PHACTR2: variants seen among roughly 807,000 people sequenced by gnomAD.
PHACTR2 encodes the protein phosphatase and actin regulator 2.
A neutral mutation model predicts 76.0 loss-of-function variants in PHACTR2; 30 were observed. The ratio of observed to expected loss-of-function variants is 0.39; its 90% CI spans 0.30 to 0.54. PHACTR2 has a LOEUF of 0.54. Ranked by LOEUF, PHACTR2 falls within the 20% of genes least tolerant of loss-of-function variation. The pLI is 0.61. For synonymous variants in PHACTR2, 292 were observed against 292.5 expected (o/e 1.00, Z 0.02); for missense variants, 696 against 781.1 (o/e 0.89, Z 1.30).
intron 11 of PHACTR2, among the ~76,000 whole-genome samples, chr6:143,805,087 A>C (rs1489016425): frequency 6.6e-6 from 1 of 152,164 alleles, no homozygotes; most frequent in Non-Finnish European, 1.5e-5. Context: ...TCTGACTCCC[A>C]GTGGACCGCT....
rs369552790 is a variant in PHACTR2, at chr6:143,618,926, AGTACT to A, written c.13+10609_13+10613del. On this transcript the variant is annotated intron_variant, in intron 1 of 11. Transcript: ENST00000305766. The surrounding 1 kb of genome is among the most constrained non-coding windows in gnomAD (Gnocchi z 5.2). ...CGTCTCCTTCTTGAGCCTTATACTA[AGTACT>A]GTACCTGGCAGAGGAGGTGTGTTCC... Among the ~76,000 whole-genome samples the A allele has an allele frequency of 4.2e-4, 64 of 152,176 alleles. No homozygotes were observed. In the East Asian group the frequency reaches 0.011, roughly 26 times the overall value.
chr6:143,673,462 T>C (rs1777191017), upstream of PHACTR2, among the ~76,000 whole-genome samples: 2 of 152,154 alleles, frequency 1.3e-5, no homozygotes, highest in African/African-American at 4.8e-5. Flanking sequence ...ATGGATGTGA[T>C]GGTTAACAAA....
Position 143,537,208 on chromosome 6 carries a change from G to T in PHACTR2, c.217+1G>T. On this transcript the variant is annotated splice_donor_variant, in intron 1 of 11. Transcript: ENST00000367584. LOFTEE classifies it high-confidence loss of function. This position sits in a 1 kb window ranked among gnomAD's most constrained non-coding sequence, Gnocchi z 4.4. ...CTCCGGGTCCACATCTCCGGCTCAG[G>T]TAAGAGCGGCTCGGGGCGCGGGCCG... 3.9e-6 allele frequency: 1 copy of T among 258,032 alleles called. No homozygotes were observed. The highest frequency in any genetic ancestry group is 7.6e-6 in the Non-Finnish European group (1 of 131,304). 16.0% of individuals were successfully genotyped at this position (258,032 alleles called of 1,614,324 possible). A position where few individuals can be genotyped will look rare whatever the true frequency, so the allele number is the denominator to read the frequency against.
rs572922299 is a variant in PHACTR2, at chr6:143,801,502, T to A, written c.1846-5555T>A. 6.6e-6 allele frequency among the ~76,000 whole-genome samples: 1 copy of A among 152,190 alleles called. No individual in the cohort carries two copies. The highest frequency in any genetic ancestry group is 2.1e-4 in the South Asian group (1 of 4,828). On this transcript the variant is annotated intron_variant, in intron 11 of 12. Transcript: ENST00000440869. The surrounding 1 kb of genome is among the most constrained non-coding windows in gnomAD (Gnocchi z 4.6). ...GCTTGATCGAAGTGGCTATTGAGGC[T>A]TGTGTATGCTTCACGGAGTTCTCGT...
At chr6:143,786,767 C>G (rs910666314) in intron 10 of PHACTR2, among the ~76,000 whole-genome samples, 1 of 152,182 alleles carries the variant, frequency 6.6e-6, no homozygotes, top group African/African-American at 2.4e-5. Context: ...TCTCATGAGA[C>G]TCATTCACTA....
At position 143,772,809 on chromosome 6, in the gene PHACTR2, A is replaced by G. The variant is rs1775187427; in HGVS notation, c.1432+352A>G. On this transcript the variant is annotated intron_variant, in intron 7 of 12. Transcript: ENST00000440869. The surrounding 1 kb of genome is among the most constrained non-coding windows in gnomAD (Gnocchi z 5.4). Reference sequence around the variant, plus strand: ...CCACTCTGGGCCTGTTGTTGAAGAAAGAAAGTCAGTGCAGATTCATAGGCT... The same window carrying G: ...CCACTCTGGGCCTGTTGTTGAAGAAGGAAAGTCAGTGCAGATTCATAGGCT... 6.6e-6 allele frequency among the ~76,000 whole-genome samples: 1 copy of G among 152,248 alleles called. No homozygotes were observed. The highest frequency in any genetic ancestry group is 6.5e-5 in the Admixed American group (1 of 15,286).
At position 143,628,979 on chromosome 6, in the gene PHACTR2, A is replaced by G. The variant is rs952834430; in HGVS notation, c.13+20657A>G. 3.3e-5 allele frequency among the ~76,000 whole-genome samples: 4 copies of G among 121,714 alleles called. 1 individual carries two copies. The highest frequency in any genetic ancestry group is 5.5e-4 in the South Asian group (2 of 3,606). 79.8% of individuals were successfully genotyped at this position (121,714 alleles called of 152,430 possible). A position where few individuals can be genotyped will look rare whatever the true frequency, so the allele number is the denominator to read the frequency against. ...TATATATATATATATATATATATAT[A>G]CTGCAAATCCTTGAGGGCAGAGATG... On this transcript the variant is annotated intron_variant, in intron 1 of 11. Coordinates refer to the PHACTR2 transcript ENST00000305766.
chr6:143,635,925 G>A (rs1776444373), intron 1 of PHACTR2, among the ~76,000 whole-genome samples: 1 of 151,986 alleles, frequency 6.6e-6, no homozygotes, highest in African/African-American at 2.4e-5. Context: ...TTTCAAAACT[G>A]GACCAGGTGT....
rs1332501732 is a variant in PHACTR2, at chr6:143,671,616, T to A, written c.14-40400T>A. On this transcript the variant is annotated intron_variant, in intron 1 of 11. Coordinates refer to the PHACTR2 transcript ENST00000305766. The surrounding 1 kb of genome is among the most constrained non-coding windows in gnomAD (Gnocchi z 4.6). ...TGTCATTCCATTAGAAGGGAAGCTC[T>A]ATGAGTGCAGGTGTTTTTGTATTTT... is the stretch of plus-strand genomic sequence containing the variant. Among the ~76,000 whole-genome samples the A allele has an allele frequency of 6.6e-6, 1 of 152,238 alleles. No individual in the cohort carries two copies. The highest frequency in any genetic ancestry group is 6.5e-5 in the Admixed American group (1 of 15,288).
intron 12 of PHACTR2, among the ~76,000 whole-genome samples, chr6:143,815,450 A>T (rs1442226040): frequency 6.6e-6 from 1 of 152,144 alleles, no homozygotes; most frequent in East Asian, 1.9e-4. Context: ...AAATTTAAAA[A>T]TAATAAGTAT....
Position 143,776,169 on chromosome 6 carries a change from AT to A in PHACTR2, c.1590-1158del, listed in dbSNP as rs1472386189. Reference sequence around the variant, plus strand: ...AAAAATATATACTAAATATCTTACTATAGGGAGAAACCCTAAAGTCATTTCC... The same window carrying A: ...AAAAATATATACTAAATATCTTACTAAGGGAGAAACCCTAAAGTCATTTCC... On this transcript the variant is annotated intron_variant, in intron 8 of 12. Transcript: ENST00000440869. The surrounding 1 kb of genome is among the most constrained non-coding windows in gnomAD (Gnocchi z 5.3). Among the ~76,000 whole-genome samples the A allele has an allele frequency of 1.3e-5, 2 of 152,194 alleles. No individual in the cohort carries two copies. Among genetic ancestry groups the A allele is most frequent in the Non-Finnish European group, 2.9e-5 (2 of 68,034 alleles).
Position 143,696,593 on chromosome 6 carries a change from A to G in PHACTR2, c.47-15423A>G, listed in dbSNP as rs753488268. Among the ~76,000 whole-genome samples the G allele has an allele frequency of 1.1e-4, 17 of 152,168 alleles. No individual in the cohort carries two copies. The highest frequency in any genetic ancestry group is 2.1e-4 in the Non-Finnish European group (14 of 68,028). On this transcript the variant is annotated intron_variant, in intron 1 of 12. Coordinates refer to ENST00000440869, the MANE Select transcript of PHACTR2 (RefSeq NM_001100164.2). The surrounding 1 kb of genome is among the most constrained non-coding windows in gnomAD (Gnocchi z 4.1). ...TACAGACCTAAGGTTACCAGCTAGGATGGGGAGGAACAGATTATTACATTC... is the reference window on the plus strand; with the variant it reads ...TACAGACCTAAGGTTACCAGCTAGGGTGGGGAGGAACAGATTATTACATTC...
At position 143,611,824 on chromosome 6, in the gene PHACTR2, C is replaced by A. The variant is rs1022962964; in HGVS notation, c.13+3502C>A. Among the ~76,000 whole-genome samples the A allele has an allele frequency of 4.6e-5, 7 of 152,122 alleles. No homozygotes were observed. The highest frequency in any genetic ancestry group is 2.6e-4 in the Admixed American group (4 of 15,276). ...TCAAGTGGCTGTCTCAGAAGTAGAACTGGAAATTTATGTGGGTGGTGCAAT... is the reference window on the plus strand; with the variant it reads ...TCAAGTGGCTGTCTCAGAAGTAGAAATGGAAATTTATGTGGGTGGTGCAAT... On this transcript the variant is annotated intron_variant, in intron 1 of 11. Coordinates refer to the PHACTR2 transcript ENST00000305766. The surrounding 1 kb of genome is among the most constrained non-coding windows in gnomAD (Gnocchi z 4.4).
At chr6:143,773,434 G>T (rs903144172) in intron 7 of PHACTR2, among the ~76,000 whole-genome samples, 59 of 151,312 alleles carry the variant, frequency 3.9e-4, no homozygotes, top group African/African-American at 1.4e-3. Context: ...AACATGGGAG[G>T]GATTCACTGT....
intron 2 of PHACTR2, among the ~76,000 whole-genome samples, chr6:143,741,046 G>A (rs901652701): frequency 2.6e-5 from 4 of 151,996 alleles, no homozygotes; most frequent in Non-Finnish European, 1.5e-5. Flanking sequence ...TCAGGAGTTC[G>A]AGACCAGCCT....
Position 143,765,189 on chromosome 6 carries a change from T to TA in PHACTR2, c.695-71dup, listed in dbSNP as rs773271520. On this transcript the variant is annotated intron_variant, in intron 5 of 12. Transcript: ENST00000440869. This position sits in a 1 kb window ranked among gnomAD's most constrained non-coding sequence, Gnocchi z 4.1. ...GAACATTTTAAATGTTGTTGACAGTTACACCTTGGTTACTTTATTTTAAAA... is the reference window on the plus strand; with the variant it reads ...GAACATTTTAAATGTTGTTGACAGTTAACACCTTGGTTACTTTATTTTAAAA... 15 of 1,185,280 alleles carry TA rather than the reference T, an allele frequency of 1.3e-5. No individual in the cohort carries two copies. Among genetic ancestry groups the TA allele is most frequent in the Non-Finnish European group, 1.7e-5 (14 of 831,746 alleles). The allele number at this position is 1,185,280 out of a possible 1,614,324, so 73.4% of individuals were successfully genotyped here.
rs1335898138 is a variant in PHACTR2, at chr6:143,731,781, G to A, written c.215-17204G>A. 6.6e-6 allele frequency among the ~76,000 whole-genome samples: 1 copy of A among 152,176 alleles called. No individual in the cohort carries two copies. The highest frequency in any genetic ancestry group is 1.5e-5 in the Non-Finnish European group (1 of 68,020). On this transcript the variant is annotated intron_variant, in intron 2 of 12. Coordinates refer to ENST00000440869, the MANE Select transcript of PHACTR2 (RefSeq NM_001100164.2). The surrounding 1 kb of genome is among the most constrained non-coding windows in gnomAD (Gnocchi z 4.9). The stretch of plus-strand genomic sequence containing the variant: ...TCCTCTTCTGTTCCTGGAAGAGACT[G>A]TGTAGATTTGTTGTTATTTTCTTCT...
chr6:143,551,911 A>G lies in PHACTR2; in HGVS notation c.217+14704A>G, dbSNP rs186768170. 3.5e-4 allele frequency among the ~76,000 whole-genome samples: 54 copies of G among 152,318 alleles called. No homozygotes were observed. In the Middle Eastern group the frequency reaches 0.017, roughly 48 times the overall value. On this transcript the variant is annotated intron_variant, in intron 1 of 11. Coordinates refer to the PHACTR2 transcript ENST00000367584. ...GTGACCATTTATTATTGCCTTGGGT[A>G]TCACTGGAATTTTCCTACATAGCTT...
At chr6:143,661,022 C>T (rs997196396) in intron 1 of PHACTR2, among the ~76,000 whole-genome samples, 27 of 152,160 alleles carry the variant, frequency 1.8e-4, no homozygotes, top group Admixed American at 2.6e-4. Flanking sequence ...AGTAAAGTCT[C>T]ACTCTTCAAA....
Sources: allele counts gnomAD v4.1 joint callset (sites outside exome capture counted in the v4.1 genomes callset), GRCh38; gene constraint gnomAD v4.1.1; non-coding constraint Gnocchi (gnomAD v3.1); transcripts MANE v1.5; gene names NCBI Gene and HGNC (gene_info 2026-07-23, HGNC 2026-07-21).